Variants in ITGAV observed in about 807,000 individuals in gnomAD.
The protein encoded by ITGAV is integrin subunit alpha V.
Under a neutral mutation model 143.8 loss-of-function variants are expected in ITGAV, and 76 were observed. That is an observed-to-expected ratio of 0.53 (90% CI 0.44 to 0.64). The LOEUF (loss-of-function observed/expected upper bound fraction) is 0.64, where lower values mean the gene tolerates loss of function less well. ITGAV is among the 30% of genes least tolerant of loss of function. The pLI is 0.00. For missense variants in ITGAV, 1,193 were observed against 1,274.7 expected (o/e 0.94, Z 0.98); for synonymous variants, 453 against 446.7 (o/e 1.01, Z -0.18).
chr2:186,614,119 G>C (rs1286865414), intron 2 of ITGAV, among the ~76,000 whole-genome samples: 2 of 152,010 alleles, frequency 1.3e-5, no homozygotes, highest in African/African-American at 4.8e-5. Flanking sequence ...TTGTATATGA[G>C]GATTGAAGGA....
At chr2:186,628,839 GAT>G (rs1284444671) in intron 4 of ITGAV, among the ~76,000 whole-genome samples, 3 of 152,102 alleles carry the variant, frequency 2.0e-5, no homozygotes, top group Non-Finnish European at 4.4e-5. Flanking sequence ...GAATGATAAA[GAT>G]ATTATTGATT....
At chr2:186,669,948 T>A (rs901476964) in intron 26 of ITGAV, 134 bp downstream of exon 26, 6 of 660,014 alleles carry the variant, frequency 9.1e-6, no homozygotes, top group African/African-American at 7.4e-5. Flanking sequence ...CATGCATTCC[T>A]CTCACTTTCC....
In ITGAV at chr2:186,638,402, T is replaced by G; in HGVS notation, c.847-7T>G. On this transcript the variant is annotated splice_polypyrimidine_tract_variant and splice_region_variant and intron_variant, in intron 9 of 29. Coordinates refer to ENST00000261023, the MANE Select transcript of ITGAV (RefSeq NM_002210.5). The stretch of plus-strand genomic sequence containing the variant: ...AGATTTCACATACTTCTATTTTTCC[T>G]TCACAGGTTTATATTTATGATGGGA... The G allele has an allele frequency of 6.2e-7, 1 of 1,611,388 alleles. No individual in the cohort carries two copies.
chr2:186,671,251 A>T (rs1014349465), intron 26 of ITGAV, among the ~76,000 whole-genome samples: 5 of 152,090 alleles, frequency 3.3e-5, no homozygotes, highest in Admixed American at 1.3e-4. Flanking sequence ...ATCTAACTCA[A>T]TGAGAAAGCA....
chr2:186,638,260 T>C lies in ITGAV; in HGVS notation c.803-17T>C, dbSNP rs1471879323. On this transcript the variant is annotated splice_polypyrimidine_tract_variant and intron_variant, in intron 8 of 29. Coordinates refer to ENST00000261023, the MANE Select transcript of ITGAV (RefSeq NM_002210.5). ...TTGTCCTAAAAAATGAATAATTTGT[T>C]TGTTTGTTTGTTTCAGACTTTGTTT... The C allele has an allele frequency of 6.2e-7, 1 of 1,612,746 alleles. No individual in the cohort carries two copies. Among genetic ancestry groups the C allele is most frequent in the African/African-American group, 1.3e-5 (1 of 74,900 alleles).
chr2:186,644,491 A>G (rs1390454936), intron 12 of ITGAV, among the ~76,000 whole-genome samples: 1 of 151,600 alleles, frequency 6.6e-6, no homozygotes, highest in Admixed American at 6.6e-5. Context: ...ATGCCTGGCT[A>G]ATTTTTGTAT....
intron 1 of ITGAV, among the ~76,000 whole-genome samples, chr2:186,597,978 G>A (rs1686791050): frequency 6.6e-6 from 1 of 152,114 alleles, no homozygotes; most frequent in African/African-American, 2.4e-5. Context: ...ATTTTTGCTT[G>A]TAGGTTTCCA....
chr2:186,605,236 G>A (rs1023713482), intron 2 of ITGAV, among the ~76,000 whole-genome samples: 3 of 152,078 alleles, frequency 2.0e-5, no homozygotes, highest in Admixed American at 6.6e-5. Context: ...AATGACCAGG[G>A]GATTAAAACA....
At position 186,659,167 on chromosome 2, in the gene ITGAV, A is replaced by G. The variant is rs1201170163; in HGVS notation, c.1849A>G (p.Ser617Gly). The G allele has an allele frequency of 1.2e-6, 2 of 1,605,996 alleles. No individual in the cohort carries two copies. Among genetic ancestry groups the G allele is most frequent in the Non-Finnish European group, 1.7e-6 (2 of 1,176,076 alleles). Reference sequence around the variant, plus strand: ...TAACCAGTTCACGCCTGCTAACATTAGTCGACAGGTACTGTACTCAGTTTA... The same window carrying G: ...TAACCAGTTCACGCCTGCTAACATTGGTCGACAGGTACTGTACTCAGTTTA... The part of the protein sequence containing the change: ...ILNQFTPANI[S>G]RQAHILLDCG... Residue 617 changes from serine to glycine, a missense_variant, in exon 18 of 30, where the codon AGT (serine) becomes GGT (glycine). Ser to Gly is a moderately conservative substitution (Grantham distance 56). Transcript: ENST00000261023.
At chr2:186,662,106 AT>A in intron 18 of ITGAV, among the ~76,000 whole-genome samples, 1 of 151,980 alleles carries the variant, frequency 6.6e-6, no homozygotes, top group African/African-American at 2.4e-5. Flanking sequence ...TTACAGTTTT[AT>A]TAATATTTTA....
intron 1 of ITGAV, among the ~76,000 whole-genome samples, chr2:186,598,287 T>C (rs1300127298): frequency 1.2e-5 from 1 of 80,078 alleles, no homozygotes; most frequent in African/African-American, 5.0e-5. Flanking sequence ...TTACATATTA[T>C]AATTTATACA....
intron 3 of ITGAV, among the ~76,000 whole-genome samples, chr2:186,623,715 A>G (rs928343530): frequency 5.3e-5 from 8 of 152,216 alleles, no homozygotes; most frequent in Non-Finnish European, 1.2e-4. Context: ...AAAAACAAAT[A>G]AAAAACTATT....
chr2:186,639,491 T>G (rs1381210730), intron 10 of ITGAV, among the ~76,000 whole-genome samples: 2 of 152,272 alleles, frequency 1.3e-5, no homozygotes, highest in East Asian at 3.9e-4. Flanking sequence ...CCGTTTTGAC[T>G]TCTCCAGCTC....
intron 1 of ITGAV, among the ~76,000 whole-genome samples, chr2:186,591,301 C>T (rs1686608755): frequency 6.6e-6 from 1 of 152,174 alleles, no homozygotes; most frequent in South Asian, 2.1e-4. Flanking sequence ...GTTGCAAGGG[C>T]CGTCAGGATT....
rs951975961 is a variant in ITGAV, at chr2:186,659,179, C to G, written c.1857+4C>G. 15 of 1,585,824 alleles carry G rather than the reference C, an allele frequency of 9.5e-6. No individual in the cohort carries two copies. The highest frequency in any genetic ancestry group is 1.3e-5 in the Non-Finnish European group (15 of 1,166,902). ...GCCTGCTAACATTAGTCGACAGGTA[C>G]TGTACTCAGTTTACCACTAATGTGA... On this transcript the variant is annotated splice_donor_region_variant and intron_variant, in intron 18 of 29. Transcript: ENST00000261023.
In ITGAV at chr2:186,675,693, A is replaced by G. The variant is rs372941633; in HGVS notation, c.2796A>G (p.Leu932=). ...GTGCAATCTTGTACGTAAAGTCATT[A>G]CTGTGGACTGAGACTTTTATGAATG... The part of the protein sequence containing the change: ...GKSAILYVKS[L]LWTETFMNKE... The change falls in exon 27 of 30, where the codon TTA becomes TTG. Residue 932 remains leucine (L), a synonymous_variant. Coordinates refer to ENST00000261023, the MANE Select transcript of ITGAV (RefSeq NM_002210.5). 5.6e-6 allele frequency: 9 copies of G among 1,612,664 alleles called. No homozygotes were observed. Among genetic ancestry groups the G allele is most frequent in the Non-Finnish European group, 6.8e-6 (8 of 1,178,836 alleles).
intron 3 of ITGAV, among the ~76,000 whole-genome samples, chr2:186,624,120 T>C (rs1051692238): frequency 5.3e-5 from 8 of 152,290 alleles, no homozygotes; most frequent in Middle Eastern, 3.4e-3. Context: ...CAGGCTTATC[T>C]TTATTTCTTA....
At chr2:186,635,137 A>G in intron 6 of ITGAV, among the ~76,000 whole-genome samples, 1 of 152,216 alleles carries the variant, frequency 6.6e-6, no homozygotes. Flanking sequence ...TGTCTGTAAT[A>G]TATAGCTAGC....
Position 186,641,706 on chromosome 2 carries a change from G to T in ITGAV, c.1159+118G>T, listed in dbSNP as rs1574485107. On this transcript the variant is annotated intron_variant, in intron 12 of 29. Coordinates refer to ENST00000261023, the MANE Select transcript of ITGAV (RefSeq NM_002210.5). ...AATCTCCTTCCTGGAAAGGTGGATT[G>T]TGTGTAAGTGAGTAACACACCAAAT... 6.5e-6 allele frequency: 5 copies of T among 768,990 alleles called. No homozygotes were observed. The East Asian group carries it at 1.0e-4, about 15-fold the overall frequency. The allele number at this position is 768,990 out of a possible 1,614,324, so 47.6% of individuals were successfully genotyped here. A position where few individuals can be genotyped will look rare whatever the true frequency, so the allele number is the denominator to read the frequency against.
Sources: gnomAD v4.1 joint callset for allele counts (sites outside exome capture counted in the v4.1 genomes callset) on GRCh38, gnomAD v4.1.1 for gene constraint, MANE v1.5 for transcripts, NCBI Gene and HGNC (gene_info 2026-07-23, HGNC 2026-07-21) for gene names.